The following MIA3 variants were observed in gnomAD, a reference collection of about 807,000 sequenced individuals.
The protein encoded by MIA3 is MIA SH3 domain ER export factor 3.
Under a neutral mutation model 192.4 loss-of-function variants are expected in MIA3, and 90 were observed. That is an observed-to-expected ratio of 0.47 (90% CI 0.39 to 0.56). The LOEUF (loss-of-function observed/expected upper bound fraction) is 0.56, where lower values mean the gene tolerates loss of function less well. Among genes scored for constraint, MIA3 ranks in the 20% least tolerant of loss-of-function variants. MIA3 has a pLI of 0.00. For missense variants in MIA3, 2,123 were observed against 2,269.4 expected (o/e 0.94, Z 1.31); for synonymous variants, 740 against 792.8 (o/e 0.93, Z 1.12).
In MIA3 at chr1:222,633,187, G is replaced by A. The variant is rs780567065; in HGVS notation, c.3415G>A (p.Val1139Ile). 5 of 1,613,992 alleles carry A rather than the reference G, an allele frequency of 3.1e-6. No individual in the cohort carries two copies. The Admixed American group carries it at 8.3e-5, about 27-fold the overall frequency. The part of the protein sequence containing the change: ...PETAAEEPAS[V>I]TPLENAILLI... ...GACAGCCGCCGAAGAGCCGGCAAGT[G>A]TCACACCTTTGGAAAACGCAATCCT... Residue 1139 changes from valine to isoleucine, a missense_variant, in exon 6 of 28, where the codon GTC (valine) becomes ATC (isoleucine). Coordinates refer to ENST00000344922, the MANE Select transcript of MIA3 (RefSeq NM_198551.4).
Position 222,658,839 on chromosome 1 carries a change from A to G in MIA3, c.4709+16A>G. The G allele has an allele frequency of 1.3e-6, 2 of 1,570,512 alleles. No individual in the cohort carries two copies. Among genetic ancestry groups the G allele is most frequent in the African/African-American group, 1.4e-5 (1 of 73,812 alleles). The stretch of plus-strand genomic sequence containing the variant: ...AAACTTACAAGTAAGTTCACCTCCT[A>G]AAGAGGGTATCAGTGGCTAATGAAA... On this transcript the variant is annotated intron_variant, in intron 19 of 27. Transcript: ENST00000344922.
chr1:222,641,817 C>T (rs1662872126), intron 6 of MIA3: 3 of 539,420 alleles, frequency 5.6e-6, no homozygotes, highest in East Asian at 5.0e-5. Context: ...GGTTCTTGAG[C>T]ATTTCTAGCT....
rs116221881 is a variant in MIA3 at position 222,627,456 on chromosome 1, G to A, written c.355-119G>A. Reference sequence around the variant, plus strand: ...AGAACAGTCAGTGCCCAGTGTTGACGCAAAAGCTCCTCTAGAGCCAAACGT... The same window carrying A: ...AGAACAGTCAGTGCCCAGTGTTGACACAAAAGCTCCTCTAGAGCCAAACGT... On this transcript the variant is annotated intron_variant, in intron 3 of 27. Coordinates refer to ENST00000344922, the MANE Select transcript of MIA3 (RefSeq NM_198551.4). The A allele has an allele frequency of 1.4e-3, 1,181 of 863,884 alleles. 11 individuals carry two copies. In the African/African-American group the frequency reaches 0.018, roughly 13 times the overall value. 53.5% of individuals were successfully genotyped at this position (863,884 alleles called of 1,614,324 possible). A position where few individuals can be genotyped will look rare whatever the true frequency, so the allele number is the denominator to read the frequency against.
intron 9 of MIA3, 24 bp downstream of exon 9, chr1:222,650,404 T>G (rs894388044): frequency 7.6e-7 from 1 of 1,311,706 alleles, no homozygotes; most frequent in Admixed American, 2.0e-5. Flanking sequence ...TTGTTTTTTT[T>G]TTTTTTCATG....
intron 16 of MIA3, 30 bp downstream of exon 16, chr1:222,654,328 C>T (rs374989825): frequency 1.6e-5 from 25 of 1,612,302 alleles, no homozygotes; most frequent in East Asian, 1.3e-4. Context: ...CCCATAATTG[C>T]CTGTGAATAC....
At chr1:222,642,275 A>C (rs1197590335) in intron 6 of MIA3, among the ~76,000 whole-genome samples, 4 of 152,154 alleles carry the variant, frequency 2.6e-5, no homozygotes, top group Non-Finnish European at 4.4e-5. Flanking sequence ...ATTGAATGTC[A>C]TATTTCCCTC....
chr1:222,638,271 C>T (rs1158104877), intron 6 of MIA3, among the ~76,000 whole-genome samples: 1 of 151,948 alleles, frequency 6.6e-6, no homozygotes, highest in African/African-American at 2.4e-5. Context: ...GTTCTCTTCA[C>T]AATATAATTA....
intron 1 of MIA3, among the ~76,000 whole-genome samples, chr1:222,618,554 C>T (rs913375358): frequency 2.6e-5 from 4 of 152,208 alleles, no homozygotes; most frequent in African/African-American, 9.6e-5. Flanking sequence ...CGGTGGTCCC[C>T]GGCTTCCCCA....
At chr1:222,632,355 G>C in intron 5 of MIA3, 29 bp downstream of exon 5, 1 of 1,596,298 alleles carries the variant, frequency 6.3e-7, no homozygotes, top group Non-Finnish European at 8.5e-7. Flanking sequence ...TTTCTACAAA[G>C]TGGAGAAATC....
At chr1:222,644,817 A>G (rs529497634) in intron 6 of MIA3, among the ~76,000 whole-genome samples, 10 of 148,858 alleles carry the variant, frequency 6.7e-5, no homozygotes, top group African/African-American at 2.2e-4. Flanking sequence ...ACAGCACTTT[A>G]TGTTCTGGTG....
intron 9 of MIA3, 120 bp downstream of exon 9, chr1:222,650,500 A>G (rs1192442458): frequency 4.8e-6 from 4 of 839,272 alleles, no homozygotes; most frequent in Admixed American, 2.6e-5. Flanking sequence ...ATTAATTCCT[A>G]TAAACCATCC....
In MIA3 at chr1:222,664,065, G is replaced by A; in HGVS notation, c.5330G>A (p.Gly1777Asp). Residue 1777 changes from glycine to aspartate, a missense_variant, in exon 27 of 28, where the codon GGC becomes GAC. Coordinates refer to ENST00000344922, the MANE Select transcript of MIA3 (RefSeq NM_198551.4). ...CCTCTCATGAGCACCCCCATGGGAG[G>A]CCCTGTACCACCACCCATTCGATAT... Reference protein sequence around the residue: ...GVPLMSTPMGGPVPPPIRYGP... With the variant: ...GVPLMSTPMGDPVPPPIRYGP... The A allele has an allele frequency of 1.2e-6, 2 of 1,614,136 alleles. No homozygotes were observed. Among genetic ancestry groups the A allele is most frequent in the East Asian group, 4.5e-5 (2 of 44,880 alleles).
At chr1:222,637,704 T>G (rs921922991) in intron 6 of MIA3, among the ~76,000 whole-genome samples, 62 of 136,376 alleles carry the variant, frequency 4.5e-4, no homozygotes, top group African/African-American at 1.8e-3. Flanking sequence ...TTTTTTTTTT[T>G]GGTTAAGATA....
At chr1:222,665,253 T>C in intron 27 of MIA3, 56 bp from the exon 28 acceptor site, 2 of 1,227,332 alleles carry the variant, frequency 1.6e-6, no homozygotes, top group Non-Finnish European at 2.3e-6. Flanking sequence ...TACCTGGCAT[T>C]ATCTTAATTT....
intron 6 of MIA3, among the ~76,000 whole-genome samples, chr1:222,634,940 A>G (rs1662564580): frequency 6.6e-6 from 1 of 152,238 alleles, no homozygotes; most frequent in Non-Finnish European, 1.5e-5. Context: ...TAAGAATTAA[A>G]TGACATGATA....
intron 27 of MIA3, among the ~76,000 whole-genome samples, chr1:222,664,430 C>G (rs1664177822): frequency 6.6e-6 from 1 of 152,188 alleles, no homozygotes; most frequent in Admixed American, 6.5e-5. Flanking sequence ...GTACTAGGCT[C>G]TGCAATGGAT....
At chr1:222,618,489 C>T (rs1661710365) in intron 1 of MIA3, among the ~76,000 whole-genome samples, 1 of 152,206 alleles carries the variant, frequency 6.6e-6, no homozygotes, top group South Asian at 2.1e-4. Flanking sequence ...GGGGCTGCAC[C>T]TCCCACTTGT....
At chr1:222,624,991 T>A in intron 3 of MIA3, 137 bp downstream of exon 3, 1 of 523,462 alleles carries the variant, frequency 1.9e-6, no homozygotes, top group Non-Finnish European at 3.4e-6. Flanking sequence ...TGGAAATAGA[T>A]GTTCTTATAT....
At chr1:222,644,662 C>G (rs1663047045) in intron 6 of MIA3, 1 of 1,456,126 alleles carries the variant, frequency 6.9e-7, no homozygotes, top group Non-Finnish European at 9.4e-7. Flanking sequence ...AGTGGGTGCA[C>G]TGATTGTCTG....
Sources: allele counts gnomAD v4.1 joint callset (sites outside exome capture counted in the v4.1 genomes callset), GRCh38; gene constraint gnomAD v4.1.1; transcripts MANE v1.5; gene names NCBI Gene and HGNC (gene_info 2026-07-23, HGNC 2026-07-21).